The following SESN1 variants were observed in gnomAD, a reference collection of about 807,000 sequenced individuals.
SESN1 encodes the protein sestrin 1, also known as sestrin-1.
SESN1 carries 30 observed loss-of-function variants against 59.3 expected under a neutral mutation model. The observed-to-expected ratio is 0.51, with a 90% CI of 0.38 to 0.69. The LOEUF is 0.69. SESN1 is among the 30% of genes least tolerant of loss of function. The pLI is 0.00. For synonymous variants in SESN1, 197 were observed against 219.9 expected (o/e 0.90, Z 0.92); for missense variants, 566 against 673.0 (o/e 0.84, Z 1.76).
intron 1 of SESN1, among the ~76,000 whole-genome samples, chr6:109,084,378 T>C (rs1212782093): frequency 6.6e-6 from 1 of 152,060 alleles, no homozygotes; most frequent in African/African-American, 2.4e-5. Flanking sequence ...CTGGCCAACA[T>C]GGTGAAACCC....
At chr6:109,064,451 G>T (rs2114458070) in intron 1 of SESN1, among the ~76,000 whole-genome samples, 1 of 150,624 alleles carries the variant, frequency 6.6e-6, no homozygotes, top group Admixed American at 6.6e-5. Flanking sequence ...AATAGAAAAT[G>T]ATTTAGGACA....
chr6:109,024,582 T>C (rs1780060922), intron 1 of SESN1, among the ~76,000 whole-genome samples: 1 of 152,236 alleles, frequency 6.6e-6, no homozygotes, highest in South Asian at 2.1e-4. Flanking sequence ...AATGGGGTTA[T>C]GACTCAATAA....
intron 1 of SESN1, chr6:109,009,095 C>A: frequency 1.3e-6 from 1 of 791,930 alleles, no homozygotes; most frequent in Non-Finnish European, 1.7e-6. Flanking sequence ...CGGCCGCAGT[C>A]TCTCCCAGCT....
chr6:109,055,445 G>A (rs1780613508), intron 1 of SESN1, among the ~76,000 whole-genome samples: 1 of 151,852 alleles, frequency 6.6e-6, no homozygotes, highest in Admixed American at 6.6e-5. Flanking sequence ...GGTGGATCAC[G>A]AGGCCAGGAG....
In SESN1 at chr6:108,988,659, T is replaced by C; in HGVS notation, c.1453A>G (p.Asn485Asp). 3.7e-6 allele frequency: 6 copies of C among 1,610,374 alleles called. No homozygotes were observed. The highest frequency in any genetic ancestry group is 5.1e-6 in the Non-Finnish European group (6 of 1,177,980). Residue 485 changes from asparagine to aspartate, a missense_variant, in exon 9 of 10, where the codon AAC becomes GAC. Physicochemically the swap from Asn to Asp is conservative, Grantham distance 23 (BLOSUM62 1). Transcript: ENST00000436639. ...TTAAAGCTACGATCCAATAGCTGGTTAATTTCACCATAGTCATAATCATCA... is the reference window on the plus strand; with the variant it reads ...TTAAAGCTACGATCCAATAGCTGGTCAATTTCACCATAGTCATAATCATCA... The part of the protein sequence containing the change: ...RYDDYDYGEI[N>D]QLLDRSFKVY...
intron 1 of SESN1, among the ~76,000 whole-genome samples, chr6:109,035,660 G>T (rs1460529788): frequency 1.3e-5 from 2 of 152,110 alleles, no homozygotes; most frequent in Non-Finnish European, 2.9e-5. Flanking sequence ...TGTTGCCCAG[G>T]CTCAGTCATA....
chr6:109,078,042 C>T (rs929531902), intron 1 of SESN1, among the ~76,000 whole-genome samples: 2 of 152,092 alleles, frequency 1.3e-5, no homozygotes, highest in Admixed American at 1.3e-4. Context: ...GCATGAGTTT[C>T]CTGACTTTTC....
At chr6:109,030,006 C>T (rs1378423868) in intron 1 of SESN1, among the ~76,000 whole-genome samples, 2 of 152,156 alleles carry the variant, frequency 1.3e-5, no homozygotes, top group Non-Finnish European at 2.9e-5. Context: ...GTACCCAACC[C>T]TCAAAATGTT....
intron 1 of SESN1, among the ~76,000 whole-genome samples, chr6:109,046,246 G>A (rs12332905): frequency 4.0e-5 from 6 of 151,136 alleles, no homozygotes; most frequent in South Asian, 2.1e-4. Context: ...GGCACGCGCC[G>A]CCACGCCTGA....
chr6:109,033,310 A>G (rs1320578260), intron 1 of SESN1, among the ~76,000 whole-genome samples: 1 of 152,220 alleles, frequency 6.6e-6, no homozygotes, highest in Non-Finnish European at 1.5e-5. Flanking sequence ...AAGAAGGCAG[A>G]CTGTTAAAAA....
At chr6:109,005,152 C>T (rs1460824472) in intron 1 of SESN1, among the ~76,000 whole-genome samples, 1 of 152,060 alleles carries the variant, frequency 6.6e-6, no homozygotes, top group Non-Finnish European at 1.5e-5. Flanking sequence ...TCTAATAGTA[C>T]GAGGTTGAAA....
rs201020606 is a variant in SESN1 at position 108,990,766 on chromosome 6, C to T, written c.1303G>A (p.Asp435Asn). The change falls in exon 8 of 10, where the codon GAT becomes AAT. Residue 435 changes from aspartate (D) to asparagine (N), a missense_variant. Asp to Asn is a conservative substitution (Grantham distance 23). Coordinates refer to ENST00000436639, the MANE Select transcript of SESN1 (RefSeq NM_014454.3). ...RLYPDVGQLI[D>N]EKFHIAYNLT... ...TTGTAAGCAATGTGAAATTTTTCAT[C>T]AATCAACTGTCCCACATCTGGATAA... 6.8e-6 allele frequency: 11 copies of T among 1,613,948 alleles called. No homozygotes were observed. In the African/African-American group the frequency reaches 1.3e-4, roughly 20 times the overall value.
At chr6:109,043,487 A>G (rs1209983977) in intron 1 of SESN1, among the ~76,000 whole-genome samples, 2 of 152,210 alleles carry the variant, frequency 1.3e-5, no homozygotes, top group Non-Finnish European at 2.9e-5. Context: ...TTTATAAAAA[A>G]CAACGAATTC....
At chr6:109,010,569 G>A (rs1195664169) in intron 1 of SESN1, among the ~76,000 whole-genome samples, 4 of 152,216 alleles carry the variant, frequency 2.6e-5, no homozygotes, top group Non-Finnish European at 5.9e-5. Flanking sequence ...CCGTGTCTCA[G>A]TGAAAACTAA....
chr6:109,009,483 A>G, intron 1 of SESN1: 1 of 1,242,362 alleles, frequency 8.0e-7, no homozygotes. Flanking sequence ...ACGGCTGCGG[A>G]CGCGCGGAGG....
chr6:109,040,484 C>T (rs1780320057), intron 1 of SESN1, among the ~76,000 whole-genome samples: 2 of 152,060 alleles, frequency 1.3e-5, no homozygotes, highest in Non-Finnish European at 2.9e-5. Flanking sequence ...GTGCCATTCT[C>T]ATTCCTTGTG....
At chr6:109,019,088 C>T (rs12201821) in intron 1 of SESN1, among the ~76,000 whole-genome samples, 17,140 of 152,148 alleles carry the variant, frequency 0.11, 1,068 homozygotes, top group Middle Eastern at 0.19. Flanking sequence ...TTAAATAATT[C>T]ATTGATAAAA....
intron 1 of SESN1, among the ~76,000 whole-genome samples, chr6:109,058,070 A>G (rs1390459778): frequency 6.6e-6 from 1 of 151,540 alleles, no homozygotes; most frequent in Non-Finnish European, 1.5e-5. Flanking sequence ...TCCTATGTTT[A>G]GATATATTAA....
chr6:109,014,396 C>G (rs1175494283), intron 1 of SESN1, among the ~76,000 whole-genome samples: 1 of 152,120 alleles, frequency 6.6e-6, no homozygotes, highest in Non-Finnish European at 1.5e-5. Context: ...AAAGTATGGG[C>G]AACTTGACCA....
Sources: gnomAD v4.1 joint callset for allele counts (sites outside exome capture counted in the v4.1 genomes callset) on GRCh38, gnomAD v4.1.1 for gene constraint, MANE v1.5 for transcripts, NCBI Gene and HGNC (gene_info 2026-07-23, HGNC 2026-07-21) for gene names.